The following BCL7C variants were observed in gnomAD, a reference collection of about 807,000 sequenced individuals.
BCL7C encodes the protein B-cell CLL/lymphoma 7 protein family member C.
A neutral mutation model predicts 26.2 loss-of-function variants in BCL7C; 8 were observed. That is an observed-to-expected ratio of 0.30 (90% CI 0.18 to 0.55). The LOEUF is 0.55. Ranked by LOEUF, BCL7C falls within the 20% of genes least tolerant of loss-of-function variation. The probability of loss-of-function intolerance (pLI) is 0.93; values close to 1 mark genes in which losing one functional copy is unlikely to be tolerated. For missense variants in BCL7C, 262 were observed against 298.5 expected, an observed-to-expected ratio of 0.88 and a Z score of 0.90; for synonymous variants, 90 against 116.5, an observed-to-expected ratio of 0.77 and a Z score of 1.47.
At position 30,892,896 on chromosome 16, in the gene BCL7C, C is replaced by T. The variant is rs199729916; in HGVS notation, c.224G>A (p.Arg75Gln). The T allele has an allele frequency of 8.1e-6, 13 of 1,612,946 alleles. No homozygotes were observed. The East Asian group carries it at 2.2e-4, about 28-fold the overall frequency. The change falls in exon 3 of 6, where the codon CGG (arginine) becomes CAG (glutamine). Residue 75 changes from arginine to glutamine, a missense_variant. Physicochemically the swap from Arg to Gln is conservative, Grantham distance 43 (BLOSUM62 1). Coordinates refer to ENST00000215115, the MANE Select transcript of BCL7C (RefSeq NM_004765.4). ...CCCTCGGGGACTGGCGCCCCTGCCC[C>T]GACGTTCCCGGCCACGGGATCTCTC... ...GAERSRGRERRGRGASPRGGG... is the reference protein window; with the variant it reads ...GAERSRGRERQGRGASPRGGG...
chr16:30,869,684 TTTA>T (rs2054866364), intron 5 of BCL7C, among the ~76,000 whole-genome samples: 1 of 151,950 alleles, frequency 6.6e-6, no homozygotes, highest in African/African-American at 2.4e-5. Context: ...ACTAATTTTT[TTTA>T]TTTTTTGTAG....
chr16:30,886,423 G>A (rs2055133810), downstream of BCL7C, among the ~76,000 whole-genome samples: 1 of 152,140 alleles, frequency 6.6e-6, no homozygotes, highest in Non-Finnish European at 1.5e-5. Flanking sequence ...TCTGACTTGA[G>A]TTCTAGCACA....
At chr16:30,866,304 C>T (rs1357303178) in intron 5 of BCL7C, among the ~76,000 whole-genome samples, 4 of 152,030 alleles carry the variant, frequency 2.6e-5, no homozygotes, top group Non-Finnish European at 2.9e-5. Context: ...AGGCTGGGTG[C>T]GGTGGTTCAC....
chr16:30,888,906 G>A lies in BCL7C; in HGVS notation c.482C>T (p.Pro161Leu). Residue 161 changes from proline (P) to leucine (L), a missense_variant, in exon 5 of 6, where the codon CCA (proline) becomes CTA (leucine). Coordinates refer to ENST00000215115, the MANE Select transcript of BCL7C (RefSeq NM_004765.4). ...GITAGSTDEP[P>L]MLTKEEPVPE... ...AACAGGCTCCTCCTTGGTCAGCATTGGGGGTTCGTCGGTGCTGCCAGCAGT... is the reference window on the plus strand; with the variant it reads ...AACAGGCTCCTCCTTGGTCAGCATTAGGGGTTCGTCGGTGCTGCCAGCAGT... 1 of 1,614,042 alleles carries A rather than the reference G, an allele frequency of 6.2e-7. No homozygotes were observed. Among genetic ancestry groups the A allele is most frequent in the Non-Finnish European group, 8.5e-7 (1 of 1,179,958 alleles).
chr16:30,850,835 G>A (rs1337664717), intron 5 of BCL7C, among the ~76,000 whole-genome samples: 1 of 152,118 alleles, frequency 6.6e-6, no homozygotes, highest in Non-Finnish European at 1.5e-5. Context: ...GTACACCACT[G>A]TAGGCTTTAT....
At chr16:30,847,762 C>T (rs1047884165) in intron 5 of BCL7C, among the ~76,000 whole-genome samples, 6 of 151,914 alleles carry the variant, frequency 3.9e-5, no homozygotes, top group African/African-American at 1.5e-4. Flanking sequence ...TGCCATTGCA[C>T]TCCAGCCTGG....
intron 5 of BCL7C, among the ~76,000 whole-genome samples, chr16:30,845,174 G>C (rs1169784370): frequency 6.6e-6 from 1 of 152,166 alleles, no homozygotes; most frequent in African/African-American, 2.4e-5. Context: ...CACTGGTCCT[G>C]ACCTTTATTG....
intron 5 of BCL7C, chr16:30,876,003 G>C (rs921104940): frequency 6.6e-6 from 1 of 152,264 alleles, no homozygotes; most frequent in South Asian, 2.1e-4. Context: ...TTCCTATCCC[G>C]CATCCTGCCC....
intron 5 of BCL7C, among the ~76,000 whole-genome samples, chr16:30,847,727 C>T (rs534343680): frequency 1.3e-4 from 20 of 151,692 alleles, no homozygotes; most frequent in Admixed American, 8.6e-4. Flanking sequence ...ACCCGGGAGG[C>T]GGAGGTTGCC....
At chr16:30,889,997 C>T (rs2055201475) in intron 4 of BCL7C, among the ~76,000 whole-genome samples, 1 of 150,602 alleles carries the variant, frequency 6.6e-6, no homozygotes, top group Non-Finnish European at 1.5e-5. Context: ...GTGGAGGTGA[C>T]TAGAAGAGAC....
intron 5 of BCL7C, chr16:30,875,603 C>G (rs561678649): frequency 6.6e-6 from 1 of 152,280 alleles, no homozygotes; most frequent in Admixed American, 6.5e-5. Flanking sequence ...TCCAGCCGCA[C>G]CTACCCGTGC....
intron 5 of BCL7C, among the ~76,000 whole-genome samples, chr16:30,854,566 C>G (rs2054702824): frequency 1.3e-5 from 2 of 152,148 alleles, no homozygotes. Context: ...TCTTAGGCAT[C>G]CATTTTCAGA....
At position 30,894,035 on chromosome 16, in the gene BCL7C, T is replaced by C; in HGVS notation, c.-91A>G. The C allele has an allele frequency of 2.3e-6, 1 of 444,346 alleles. No homozygotes were observed. The highest frequency in any genetic ancestry group is 3.1e-6 in the Non-Finnish European group (1 of 323,904). 27.5% of individuals were successfully genotyped at this position (444,346 alleles called of 1,614,324 possible). A position where few individuals can be genotyped will look rare whatever the true frequency, so the allele number is the denominator to read the frequency against. On this transcript the variant is annotated 5_prime_UTR_variant, in exon 1 of 6. Coordinates refer to ENST00000215115, the MANE Select transcript of BCL7C (RefSeq NM_004765.4). Reference sequence around the variant, plus strand: ...TCCGCGCCAGGCCCGGGCGCCGCGCTCTCGGCCTGCCGTCCCCCCTGGAGT... The same window carrying C: ...TCCGCGCCAGGCCCGGGCGCCGCGCCCTCGGCCTGCCGTCCCCCCTGGAGT...
intron 5 of BCL7C, among the ~76,000 whole-genome samples, chr16:30,872,407 G>T (rs968293807): frequency 2.0e-5 from 3 of 152,128 alleles, no homozygotes; most frequent in African/African-American, 7.2e-5. Context: ...TGTGGGCTTG[G>T]AAAGTGATGC....
At chr16:30,856,439 TAAAAAAAAA>T (rs61380254) in intron 5 of BCL7C, among the ~76,000 whole-genome samples, 1 of 116,570 alleles carries the variant, frequency 8.6e-6, no homozygotes, top group East Asian at 2.5e-4. Flanking sequence ...AGACTCCGTC[TAAAAAAAAA>T]AAAAAAAAAA....
chr16:30,869,622 C>G (rs998357907), intron 5 of BCL7C, among the ~76,000 whole-genome samples: 3 of 151,928 alleles, frequency 2.0e-5, no homozygotes, highest in Non-Finnish European at 2.9e-5. Flanking sequence ...AGGCATCCTC[C>G]TGCCTTCGCC....
chr16:30,870,666 C>G (rs1453779196), intron 5 of BCL7C, among the ~76,000 whole-genome samples: 28 of 151,678 alleles, frequency 1.8e-4, no homozygotes, highest in Non-Finnish European at 1.5e-5. Context: ...GTCCCCCCAC[C>G]AAAAAATAAA....
At chr16:30,851,147 C>A in intron 5 of BCL7C, 1 of 264,902 alleles carries the variant, frequency 3.8e-6, no homozygotes, top group Non-Finnish European at 7.5e-6. Flanking sequence ...GTTTTCCCTG[C>A]AAAACTGCTG....
At chr16:30,849,924 G>A (rs965898115) in intron 5 of BCL7C, among the ~76,000 whole-genome samples, 44 of 152,114 alleles carry the variant, frequency 2.9e-4, no homozygotes, top group African/African-American at 1.1e-3. Flanking sequence ...CTTCTGGGCT[G>A]AAGAAATATG....
Sources: allele counts gnomAD v4.1 joint callset (sites outside exome capture counted in the v4.1 genomes callset), GRCh38; gene constraint gnomAD v4.1.1; transcripts MANE v1.5; gene names NCBI Gene and HGNC (gene_info 2026-07-23, HGNC 2026-07-21).